Variants in KNSTRN observed in about 807,000 individuals in gnomAD.
KNSTRN encodes the protein kinetochore localized astrin (SPAG5) binding protein, also known as small kinetochore-associated protein.
Under a neutral mutation model 44.7 loss-of-function variants are expected in KNSTRN, and 38 were observed. The ratio of observed to expected loss-of-function variants is 0.85; its 90% CI spans 0.66 to 1.11. The LOEUF (loss-of-function observed/expected upper bound fraction) is 1.11. Among genes scored for constraint, KNSTRN ranks in the 50% most tolerant of loss-of-function variants. The pLI is 0.00. For synonymous variants in KNSTRN, 158 were observed against 148.1 expected, an observed-to-expected ratio of 1.07 and a Z score of -0.48; for missense variants, 406 against 375.8, an observed-to-expected ratio of 1.08 and a Z score of -0.66.
At chr15:40,386,944 G>A (rs1294131691) in intron 3 of KNSTRN, 3 of 588,924 alleles carry the variant, frequency 5.1e-6, no homozygotes, top group East Asian at 5.7e-5. Context: ...GGTTGTTAGG[G>A]TGGTCGGAGG....
At chr15:40,393,375 T>C in intron 8 of KNSTRN, 94 bp from the exon 9 acceptor site, 4 of 1,590,746 alleles carry the variant, frequency 2.5e-6, no homozygotes, top group Non-Finnish European at 3.4e-6. Context: ...CTTAGTGGAA[T>C]AGGAGCATAA....
intron 8 of KNSTRN, among the ~76,000 whole-genome samples, chr15:40,392,346 C>T (rs1890015142): frequency 6.6e-6 from 1 of 152,086 alleles, no homozygotes; most frequent in Non-Finnish European, 1.5e-5. Context: ...TGCACTTCCT[C>T]CTCCACCCCC....
At chr15:40,388,858 G>C (rs1223007296) in intron 4 of KNSTRN, among the ~76,000 whole-genome samples, 2 of 152,154 alleles carry the variant, frequency 1.3e-5, no homozygotes, top group Non-Finnish European at 1.5e-5. Flanking sequence ...TTTGGGGCCA[G>C]TTTATGGCCA....
intron 2 of KNSTRN, among the ~76,000 whole-genome samples, chr15:40,383,626 T>C (rs1889853346): frequency 6.6e-6 from 1 of 152,236 alleles, no homozygotes; most frequent in African/African-American, 2.4e-5. Flanking sequence ...TTCTAATCGG[T>C]TATCGTCTTA....
intron 4 of KNSTRN, among the ~76,000 whole-genome samples, chr15:40,388,703 A>AG (rs1254598713): frequency 6.6e-6 from 1 of 152,168 alleles, no homozygotes. Context: ...TCAAAAAAAA[A>AG]AAAAAATGCC....
At chr15:40,388,062 T>C (rs1453242842) in intron 4 of KNSTRN, among the ~76,000 whole-genome samples, 1 of 152,164 alleles carries the variant, frequency 6.6e-6, no homozygotes, top group African/African-American at 2.4e-5. Flanking sequence ...CTGAGAACTT[T>C]AAGAAAAAAC....
At position 40,389,598 on chromosome 15, in the gene KNSTRN, T is replaced by G. The variant is rs1334546537; in HGVS notation, c.578T>G (p.Leu193Trp). ...EAVNKQLHQK[L>W]TETQGELKDL... ...GTCAACAAGCAGTTGCACCAGAAGT[T>G]GACTGAAACTCAGGTAAGAGACCCA... is the stretch of plus-strand genomic sequence containing the variant. Residue 193 changes from leucine (L) to tryptophan (W), a missense_variant, in exon 5 of 9, where the codon TTG becomes TGG. Transcript: ENST00000249776. 1.2e-6 allele frequency: 2 copies of G among 1,613,044 alleles called. No homozygotes were observed. Among genetic ancestry groups the G allele is most frequent in the African/African-American group, 2.7e-5 (2 of 74,998 alleles).
chr15:40,388,228 C>T (rs1889934298), intron 4 of KNSTRN, among the ~76,000 whole-genome samples: 1 of 152,042 alleles, frequency 6.6e-6, no homozygotes, highest in African/African-American at 2.4e-5. Context: ...AGAGATTTGC[C>T]CACGTATTTA....
At chr15:40,384,484 G>A (rs1403442231) in intron 2 of KNSTRN, 3 of 455,848 alleles carry the variant, frequency 6.6e-6, no homozygotes, top group Non-Finnish European at 1.3e-5. Flanking sequence ...CCTGGCACCA[G>A]CGGGGACTAG....
chr15:40,393,201 G>T (rs755512286), intron 8 of KNSTRN: 1 of 1,613,856 alleles, frequency 6.2e-7, no homozygotes, highest in East Asian at 2.2e-5. Context: ...AGATTGCTTG[G>T]ATGAATCATG....
chr15:40,389,638 C>A (rs1161724922), intron 5 of KNSTRN, 27 bp downstream of exon 5: 2 of 1,532,866 alleles, frequency 1.3e-6, no homozygotes, highest in South Asian at 2.2e-5. Context: ...AGCTCTGTTA[C>A]CAGCTGCCAC....
chr15:40,388,972 G>GT (rs2141274661), intron 4 of KNSTRN, among the ~76,000 whole-genome samples: 1 of 152,250 alleles, frequency 6.6e-6, no homozygotes, highest in South Asian at 2.1e-4. Context: ...ATGCACACGT[G>GT]TTTTCTCTCT....
At chr15:40,385,718 C>T (rs1420098924) in intron 2 of KNSTRN, among the ~76,000 whole-genome samples, 1 of 152,162 alleles carries the variant, frequency 6.6e-6, no homozygotes, top group Non-Finnish European at 1.5e-5. Flanking sequence ...CTTGGAGGAG[C>T]TTAATGAGAT....
intron 2 of KNSTRN, among the ~76,000 whole-genome samples, chr15:40,386,083 T>G (rs114378916): frequency 3.5e-4 from 54 of 152,220 alleles, no homozygotes; most frequent in African/African-American, 1.3e-3. Flanking sequence ...TTTTAAAATT[T>G]TAAAACATAT....
chr15:40,388,674 G>A (rs937422510), intron 4 of KNSTRN, among the ~76,000 whole-genome samples: 15 of 150,082 alleles, frequency 1.0e-4, no homozygotes, highest in South Asian at 2.1e-4. Context: ...CAGCCTGGGC[G>A]ACGGAGCGAG....
In KNSTRN at chr15:40,392,771, C is replaced by G. The variant is rs112349340; in HGVS notation, c.823-698C>G. On this transcript the variant is annotated intron_variant, in intron 8 of 8. Coordinates refer to ENST00000249776, the MANE Select transcript of KNSTRN (RefSeq NM_033286.4). ...GATTACAGGCATTTGCGACCATGAC[C>G]GGCTAATTTTTATATTTTTAGTAGA... Among the ~76,000 whole-genome samples the G allele has an allele frequency of 9.2e-5, 14 of 152,110 alleles. No individual in the cohort carries two copies. In the East Asian group the frequency reaches 2.7e-3, roughly 29 times the overall value.
chr15:40,390,334 C>G (rs1165068750), intron 6 of KNSTRN, among the ~76,000 whole-genome samples: 2 of 152,186 alleles, frequency 1.3e-5, no homozygotes, highest in African/African-American at 4.8e-5. Context: ...TACTAGTAAT[C>G]CCAAATGGGA....
intron 8 of KNSTRN, chr15:40,393,265 C>T: frequency 6.2e-7 from 1 of 1,612,962 alleles, no homozygotes; most frequent in East Asian, 2.2e-5. Context: ...ATACAGGAGT[C>T]TAGTCCCTCT....
In KNSTRN at chr15:40,386,361, GAC is replaced by G. The variant is rs1462608471; in HGVS notation, c.310_311del (p.Gln104AsnfsTer6). ...GCTTTACCTCTCATTTTCCTTTGCA[GAC>G]ACACAAACTCGGGCCACTTCTAAGA... Reference protein sequence around the residue: ...PSALSGGQPADTQTRATSKSL... With the variant: ...PSALSGGQPAXTQTRATSKSL... On this transcript the variant is annotated frameshift_variant and splice_region_variant, in exon 3 of 9. Coordinates refer to ENST00000249776, the MANE Select transcript of KNSTRN (RefSeq NM_033286.4). LOFTEE classifies it high-confidence loss of function. 1 of 1,612,966 alleles carries G rather than the reference GAC, an allele frequency of 6.2e-7. No individual in the cohort carries two copies. The highest frequency in any genetic ancestry group is 8.5e-7 in the Non-Finnish European group (1 of 1,179,466).
Sources: allele counts gnomAD v4.1 joint callset (sites outside exome capture counted in the v4.1 genomes callset), GRCh38; gene constraint gnomAD v4.1.1; transcripts MANE v1.5; gene names NCBI Gene and HGNC (gene_info 2026-07-23, HGNC 2026-07-21).